The following DLG2 variants were observed in gnomAD, a reference collection of about 807,000 sequenced individuals.
The protein encoded by DLG2 is disks large homolog 2.
Under a neutral mutation model 132.5 loss-of-function variants are expected in DLG2, and 45 were observed. The ratio of observed to expected loss-of-function variants is 0.34; its 90% CI spans 0.27 to 0.44. The LOEUF (loss-of-function observed/expected upper bound fraction) is 0.44. Among genes scored for constraint, DLG2 ranks in the 20% least tolerant of loss-of-function variants. The pLI is 1.00. For missense variants in DLG2, 1,045 were observed against 1,196.9 expected (o/e 0.87, Z 1.87); for synonymous variants, 424 against 419.6 (o/e 1.01, Z -0.13).
intron 3 of DLG2, among the ~76,000 whole-genome samples, chr11:85,323,959 T>G (rs1005761457): frequency 2.6e-5 from 4 of 152,190 alleles, no homozygotes; most frequent in Non-Finnish European, 5.9e-5. Flanking sequence ...CACTTCCAAT[T>G]GTTCCCATGT....
intron 6 of DLG2, among the ~76,000 whole-genome samples, chr11:84,693,169 AG>A (rs1370954210): frequency 6.6e-6 from 1 of 151,842 alleles, no homozygotes; most frequent in Non-Finnish European, 1.5e-5. Flanking sequence ...ACATCTTGTT[AG>A]GCAGTATATT....
intron 6 of DLG2, among the ~76,000 whole-genome samples, chr11:84,684,605 A>C (rs951172621): frequency 3.9e-5 from 6 of 152,136 alleles, no homozygotes; most frequent in Non-Finnish European, 8.8e-5. Flanking sequence ...TCAAATCCCA[A>C]CTGAGTCACT....
chr11:84,229,749 C>A (rs2097063495), intron 8 of DLG2, among the ~76,000 whole-genome samples: 1 of 152,114 alleles, frequency 6.6e-6, no homozygotes, highest in Non-Finnish European at 1.5e-5. Flanking sequence ...TGACCTTGGC[C>A]ACATTAGTTA....
At chr11:85,134,169 A>C (rs923184043) in intron 5 of DLG2, among the ~76,000 whole-genome samples, 1 of 152,116 alleles carries the variant, frequency 6.6e-6, no homozygotes, top group Non-Finnish European at 1.5e-5. Flanking sequence ...TTGAAATATC[A>C]AAAATAAATG....
At chr11:84,107,799 C>CAGG (rs2093070984) in intron 9 of DLG2, among the ~76,000 whole-genome samples, 1 of 152,056 alleles carries the variant, frequency 6.6e-6, no homozygotes, top group Non-Finnish European at 1.5e-5. Flanking sequence ...ATTTAGAAGT[C>CAGG]AGGACATCAG....
chr11:85,314,580 A>T (rs2080527391), intron 3 of DLG2, among the ~76,000 whole-genome samples: 1 of 151,958 alleles, frequency 6.6e-6, no homozygotes, highest in African/African-American at 2.4e-5. Context: ...GTAGAGCCTG[A>T]GGCAAATTAA....
chr11:85,159,420 C>T (rs2077858219), intron 4 of DLG2, among the ~76,000 whole-genome samples: 1 of 152,210 alleles, frequency 6.6e-6, no homozygotes. Flanking sequence ...TTAGATCTCC[C>T]TCTACCTAGA....
chr11:85,283,322 G>C (rs2078352185), intron 4 of DLG2, among the ~76,000 whole-genome samples: 1 of 151,170 alleles, frequency 6.6e-6, no homozygotes, highest in Non-Finnish European at 1.5e-5. Flanking sequence ...TGAAAGCCTA[G>C]AAAAAAATAC....
intron 7 of DLG2, among the ~76,000 whole-genome samples, chr11:84,531,782 C>T (rs767818686): frequency 6.6e-6 from 1 of 152,076 alleles, no homozygotes; most frequent in Non-Finnish European, 1.5e-5. Context: ...CAATAAAAGG[C>T]TAGGAAATTA....
At chr11:85,022,858 CA>C (rs2060200808) in intron 6 of DLG2, among the ~76,000 whole-genome samples, 1 of 151,868 alleles carries the variant, frequency 6.6e-6, no homozygotes, top group South Asian at 2.1e-4. Flanking sequence ...ATTTTTTCCC[CA>C]AATGCAAGTA....
At chr11:83,510,304 C>A (rs373261131) in intron 21 of DLG2, among the ~76,000 whole-genome samples, 1 of 148,898 alleles carries the variant, frequency 6.7e-6, no homozygotes, top group African/African-American at 2.5e-5. Context: ...GCTGACAGTG[C>A]GCTCTTTACC....
At chr11:85,339,328 A>G (rs764215220) in intron 3 of DLG2, among the ~76,000 whole-genome samples, 5 of 152,276 alleles carry the variant, frequency 3.3e-5, no homozygotes, top group East Asian at 1.9e-4. Flanking sequence ...AATTTTCTGC[A>G]TATATATTTT....
intron 7 of DLG2, among the ~76,000 whole-genome samples, chr11:84,383,492 C>T (rs1366994367): frequency 6.6e-6 from 1 of 152,062 alleles, no homozygotes; most frequent in African/African-American, 2.4e-5. Flanking sequence ...GGATATCATG[C>T]CCATGATTAC....
At chr11:84,679,622 C>G (rs1357801283) in intron 6 of DLG2, among the ~76,000 whole-genome samples, 5 of 152,014 alleles carry the variant, frequency 3.3e-5, no homozygotes, top group Non-Finnish European at 7.4e-5. Context: ...AAATAAGTTG[C>G]CTATAATAGT....
chr11:85,232,034 T>C (rs1342904294), intron 4 of DLG2, among the ~76,000 whole-genome samples: 1 of 151,846 alleles, frequency 6.6e-6, no homozygotes, highest in South Asian at 2.1e-4. Context: ...ATCTAGTATC[T>C]TACCCTGCAA....
In DLG2 at chr11:84,468,472, T is replaced by C. The variant is rs564901750; in HGVS notation, c.519+66098A>G. ...CTCCACACACCAAACCTCCCACATGTATACCCATGCTGCAATGATTTAACA... is the reference window on the plus strand; with the variant it reads ...CTCCACACACCAAACCTCCCACATGCATACCCATGCTGCAATGATTTAACA... On this transcript the variant is annotated intron_variant, in intron 7 of 27. Coordinates refer to ENST00000376104, the MANE Select transcript of DLG2 (RefSeq NM_001142699.3). Among the ~76,000 whole-genome samples the C allele has an allele frequency of 4.8e-4, 73 of 151,634 alleles. 1 individual carries two copies. Among genetic ancestry groups the C allele is most frequent in the Non-Finnish European group, 8.1e-4 (55 of 67,662 alleles).
chr11:84,081,528 A>G (rs1199001121), intron 10 of DLG2, among the ~76,000 whole-genome samples: 1 of 152,138 alleles, frequency 6.6e-6, no homozygotes, highest in Non-Finnish European at 1.5e-5. Context: ...CACTGTGTCC[A>G]AGTGTTCTCA....
intron 8 of DLG2, among the ~76,000 whole-genome samples, chr11:84,236,696 C>T (rs1177129533): frequency 6.6e-6 from 1 of 152,208 alleles, no homozygotes; most frequent in African/African-American, 2.4e-5. Flanking sequence ...TAACAGGTGG[C>T]AGCTCAGTTT....
At chr11:84,838,326 C>A (rs771520383) in intron 6 of DLG2, among the ~76,000 whole-genome samples, 2 of 151,384 alleles carry the variant, frequency 1.3e-5, no homozygotes, top group Non-Finnish European at 2.9e-5. Flanking sequence ...TCTTCACCAA[C>A]AATTGATACT....
Sources: gnomAD v4.1 joint callset for allele counts (sites outside exome capture counted in the v4.1 genomes callset) on GRCh38, gnomAD v4.1.1 for gene constraint, MANE v1.5 for transcripts, NCBI Gene and HGNC (gene_info 2026-07-23, HGNC 2026-07-21) for gene names.